TECRL: variants seen among roughly 807,000 people sequenced by gnomAD.
TECRL encodes the protein trans-2,3-enoyl-CoA reductase-like.
In TECRL, 63 loss-of-function variants were observed where a neutral mutation model predicts 52.8. The observed-to-expected ratio is 1.19, with a 90% CI of 0.97 to 1.47. TECRL has a LOEUF of 1.47. Among genes scored for constraint, TECRL ranks in the 40% most tolerant of loss-of-function variants. The pLI is 0.00. For synonymous variants in TECRL, 164 were observed against 141.9 expected, an observed-to-expected ratio of 1.16 and a Z score of -1.10; for missense variants, 482 against 429.6, an observed-to-expected ratio of 1.12 and a Z score of -1.08.
intron 2 of TECRL, among the ~76,000 whole-genome samples, chr4:64,332,859 G>A (rs892739407): frequency 6.6e-6 from 1 of 151,988 alleles, no homozygotes; most frequent in Non-Finnish European, 1.5e-5. Flanking sequence ...CAATGAAAAA[G>A]TACATCATTC....
rs146196162 is a variant in TECRL, at chr4:64,283,203, T to C, written c.833-1644A>G. On this transcript the variant is annotated intron_variant, in intron 9 of 11. Transcript: ENST00000381210. ...GCAATCATTGGAGACTTGTTGAGAC[T>C]ATATCGCTCTCAATTTCCTACCTAA... is the stretch of plus-strand genomic sequence containing the variant. Among the ~76,000 whole-genome samples the C allele has an allele frequency of 4.7e-3, 710 of 152,192 alleles. 5 individuals are homozygous for C. Among genetic ancestry groups the C allele is most frequent in the Non-Finnish European group, 8.2e-3 (558 of 67,970 alleles).
In TECRL at chr4:64,279,811, GAAGT is replaced by G; in HGVS notation, c.*257_*260del. On this transcript the variant is annotated 3_prime_UTR_variant, in exon 12 of 12. Transcript: ENST00000381210. ...GCAAATAGTATTGTGAAGTATTAAT[GAAGT>G]AAGACAATTTTATTCAAGGACCAAT... 2 of 1,018,972 alleles carry G rather than the reference GAAGT, an allele frequency of 2.0e-6. No individual in the cohort carries two copies. The highest frequency in any genetic ancestry group is 8.6e-5 in the South Asian group (2 of 23,144). 63.1% of individuals were successfully genotyped at this position (1,018,972 alleles called of 1,614,324 possible). A position where few individuals can be genotyped will look rare whatever the true frequency, so the allele number is the denominator to read the frequency against.
chr4:64,335,606 T>C (rs1254591133), intron 2 of TECRL, among the ~76,000 whole-genome samples: 1 of 152,164 alleles, frequency 6.6e-6, no homozygotes, highest in Non-Finnish European at 1.5e-5. Context: ...GCCAAAAAGG[T>C]TGGGGACTGC....
At chr4:64,288,992 T>C (rs1352478098) in intron 9 of TECRL, among the ~76,000 whole-genome samples, 1 of 152,144 alleles carries the variant, frequency 6.6e-6, no homozygotes, top group Non-Finnish European at 1.5e-5. Flanking sequence ...CTGGACAACG[T>C]TTTGCAGGGA....
chr4:64,365,856 T>TCAAACTACCAATGACATGG (rs1721565298), intron 2 of TECRL, among the ~76,000 whole-genome samples: 2 of 151,990 alleles, frequency 1.3e-5, no homozygotes, highest in African/African-American at 4.8e-5. Context: ...CAATGACATG[T>TCAAACTACCAATGACATGG]TTTCACAGAA....
At chr4:64,303,251 A>G (rs543535679) in intron 7 of TECRL, among the ~76,000 whole-genome samples, 1 of 151,566 alleles carries the variant, frequency 6.6e-6, no homozygotes, top group East Asian at 1.9e-4. Context: ...AAAAAAAACA[A>G]TAAATGGCAT....
chr4:64,377,934 T>C (rs1245472276), intron 1 of TECRL, among the ~76,000 whole-genome samples: 2 of 152,056 alleles, frequency 1.3e-5, no homozygotes, highest in Non-Finnish European at 1.5e-5. Flanking sequence ...AAAATTAAAG[T>C]ATAAGAAAAA....
chr4:64,382,273 A>ATATAT (rs1199443412), intron 1 of TECRL, among the ~76,000 whole-genome samples: 12 of 144,490 alleles, frequency 8.3e-5, no homozygotes, highest in East Asian at 3.9e-4. Flanking sequence ...GTTATATATT[A>ATATAT]TATATTATAT....
At chr4:64,359,180 C>T (rs752653440) in intron 2 of TECRL, among the ~76,000 whole-genome samples, 2 of 151,746 alleles carry the variant, frequency 1.3e-5, no homozygotes, top group African/African-American at 2.4e-5. Flanking sequence ...TCAGAAACAC[C>T]GGCTGTTGAA....
intron 1 of TECRL, among the ~76,000 whole-genome samples, chr4:64,396,791 C>A (rs1256889546): frequency 6.6e-6 from 1 of 151,982 alleles, no homozygotes; most frequent in Non-Finnish European, 1.5e-5. Context: ...TTTTAGGTTT[C>A]ACATTTGAGT....
chr4:64,349,599 T>C (rs1279876841), intron 2 of TECRL, among the ~76,000 whole-genome samples: 1 of 152,224 alleles, frequency 6.6e-6, no homozygotes, highest in African/African-American at 2.4e-5. Context: ...TGCTGTGTAA[T>C]GTGAATGAAT....
chr4:64,340,530 C>G (rs919528614), intron 2 of TECRL, among the ~76,000 whole-genome samples: 2 of 152,244 alleles, frequency 1.3e-5, no homozygotes, highest in African/African-American at 2.4e-5. Flanking sequence ...AGTGCTGACA[C>G]ACCAGCCCCC....
chr4:64,295,929 A>C (rs1723655392), intron 8 of TECRL, among the ~76,000 whole-genome samples: 1 of 151,970 alleles, frequency 6.6e-6, no homozygotes, highest in Admixed American at 6.6e-5. Flanking sequence ...ATTTAAGTAT[A>C]AAAATTGATT....
At chr4:64,300,773 C>T (rs143713002) in intron 7 of TECRL, among the ~76,000 whole-genome samples, 16 of 150,930 alleles carry the variant, frequency 1.1e-4, no homozygotes, top group African/African-American at 3.1e-4. Context: ...TTAAAATGTG[C>T]GTTTTTCACC....
chr4:64,280,556 G>T (rs1456448981), intron 11 of TECRL, among the ~76,000 whole-genome samples: 1 of 151,998 alleles, frequency 6.6e-6, no homozygotes, highest in African/African-American at 2.4e-5. Context: ...CATTAATTGT[G>T]ATTCAAAACT....
chr4:64,370,948 T>C (rs184809487), intron 2 of TECRL, among the ~76,000 whole-genome samples: 101 of 151,944 alleles, frequency 6.6e-4, no homozygotes, highest in Non-Finnish European at 1.1e-3. Flanking sequence ...AAATATTTAA[T>C]AAAGGGCATG....
At chr4:64,328,617 A>C (rs1454071027) in intron 2 of TECRL, 61 bp from the exon 3 acceptor site, 1 of 1,425,128 alleles carries the variant, frequency 7.0e-7, no homozygotes, top group Non-Finnish European at 9.8e-7. Flanking sequence ...TTATAAAACT[A>C]ACTGTTTCCA....
In TECRL at chr4:64,289,713, T is replaced by G; in HGVS notation, c.829A>C (p.Thr277Pro). The G allele has an allele frequency of 1.3e-6, 2 of 1,539,002 alleles. No homozygotes were observed. Among genetic ancestry groups the G allele is most frequent in the South Asian group, 2.6e-5 (2 of 76,428 alleles). The change falls in exon 9 of 12, where the codon ACA (threonine) becomes CCA (proline). Residue 277 changes from threonine to proline, a missense_variant. Coordinates refer to ENST00000381210, the MANE Select transcript of TECRL (RefSeq NM_001010874.5). ...INVMLSHPNH[T>P]GNNACFPSPN... ...AGAAAAAGAAAAAAGAACTAACCTG[T>G]GTGATTGGGATGAGACAACATTACA...
intron 1 of TECRL, among the ~76,000 whole-genome samples, chr4:64,387,118 GTCA>G (rs1423466347): frequency 2.0e-5 from 3 of 152,112 alleles, no homozygotes; most frequent in Non-Finnish European, 4.4e-5. Context: ...TCTTTTAGCT[GTCA>G]TCATTGTTTT....
Sources: allele counts gnomAD v4.1 joint callset (sites outside exome capture counted in the v4.1 genomes callset), GRCh38; gene constraint gnomAD v4.1.1; transcripts MANE v1.5; gene names NCBI Gene and HGNC (gene_info 2026-07-23, HGNC 2026-07-21).